The following RBFOX1 variants were observed in gnomAD, a reference collection of about 807,000 sequenced individuals.
RBFOX1 encodes RNA binding fox-1 homolog 1.
Under a neutral mutation model 57.7 loss-of-function variants are expected in RBFOX1, and 8 were observed. The ratio of observed to expected loss-of-function variants is 0.14; its 90% CI spans 0.08 to 0.25. RBFOX1 has a LOEUF of 0.25. RBFOX1 is among the 10% of genes least tolerant of loss of function. The probability of loss-of-function intolerance (pLI) is 1.00; values close to 1 mark genes in which losing one functional copy is unlikely to be tolerated. For missense variants in RBFOX1, 611 were observed against 548.5 expected (o/e 1.11, Z -1.14); for synonymous variants, 326 against 222.4 (o/e 1.47, Z -4.15).
intron 4 of RBFOX1, among the ~76,000 whole-genome samples, chr16:5,963,452 C>G (rs764188122): frequency 6.6e-6 from 1 of 152,152 alleles, no homozygotes; most frequent in Non-Finnish European, 1.5e-5. Flanking sequence ...GAATCTTGAG[C>G]AAGATTATTC....
At chr16:5,541,853 G>T (rs987497353) in intron 2 of RBFOX1, among the ~76,000 whole-genome samples, 2 of 152,100 alleles carry the variant, frequency 1.3e-5, no homozygotes, top group Admixed American at 6.6e-5. Context: ...GCTGTTCTAC[G>T]GAAAGCATTG....
chr16:7,034,491 C>T (rs937204157), intron 3 of RBFOX1, among the ~76,000 whole-genome samples: 1 of 152,038 alleles, frequency 6.6e-6, no homozygotes, highest in African/African-American at 2.4e-5. Context: ...AAGTGTATGA[C>T]CATCTATCTC....
chr16:6,003,250 G>A (rs999951647), intron 4 of RBFOX1, among the ~76,000 whole-genome samples: 32 of 147,704 alleles, frequency 2.2e-4, no homozygotes, highest in Non-Finnish European at 4.0e-4. Context: ...CTGCACTCCA[G>A]CCTGGGCGAC....
chr16:6,028,094 G>A (rs545987527), intron 1 of RBFOX1, among the ~76,000 whole-genome samples: 1 of 152,308 alleles, frequency 6.6e-6, no homozygotes, highest in South Asian at 2.1e-4. Flanking sequence ...CCAGCCCCCT[G>A]TCTTGATTCT....
chr16:6,282,561 A>T (rs532357966), intron 1 of RBFOX1, among the ~76,000 whole-genome samples: 4 of 151,548 alleles, frequency 2.6e-5, no homozygotes, highest in South Asian at 4.2e-4. Flanking sequence ...GACAGGCCCC[A>T]GTGTGTGATA....
chr16:6,071,900 A>T (rs1385258045), intron 1 of RBFOX1, among the ~76,000 whole-genome samples: 1 of 152,190 alleles, frequency 6.6e-6, no homozygotes, highest in African/African-American at 2.4e-5. Flanking sequence ...TAAATGTACA[A>T]ATGTCAGGAT....
chr16:6,986,625 T>C (rs766224848), intron 3 of RBFOX1, among the ~76,000 whole-genome samples: 1 of 152,198 alleles, frequency 6.6e-6, no homozygotes, highest in Non-Finnish European at 1.5e-5. Context: ...AAATATTTTT[T>C]ACTGCATTTG....
At chr16:5,870,552 T>C (rs2057445663) in intron 4 of RBFOX1, among the ~76,000 whole-genome samples, 2 of 152,132 alleles carry the variant, frequency 1.3e-5, no homozygotes, top group South Asian at 2.1e-4. Context: ...TGATCAAAAA[T>C]AGTCTTCCTT....
chr16:6,062,022 A>G (rs2095692960), intron 1 of RBFOX1, among the ~76,000 whole-genome samples: 1 of 152,160 alleles, frequency 6.6e-6, no homozygotes, highest in Non-Finnish European at 1.5e-5. Flanking sequence ...CGAGTGGCTT[A>G]TAGAACTCAG....
At chr16:6,746,982 T>C (rs2073822565) in intron 3 of RBFOX1, among the ~76,000 whole-genome samples, 1 of 152,166 alleles carries the variant, frequency 6.6e-6, no homozygotes, top group Admixed American at 6.5e-5. Flanking sequence ...TGTGGAGCTA[T>C]ACTACTGTGC....
chr16:6,665,173 C>T (rs992364842), intron 3 of RBFOX1, among the ~76,000 whole-genome samples: 4 of 152,312 alleles, frequency 2.6e-5, no homozygotes, highest in South Asian at 4.1e-4. Context: ...AGAAAAGGCG[C>T]TTCTTTTTCA....
intron 4 of RBFOX1, among the ~76,000 whole-genome samples, chr16:7,336,419 G>C (rs2096788995): frequency 6.6e-6 from 1 of 152,204 alleles, no homozygotes; most frequent in Non-Finnish European, 1.5e-5. Context: ...ATCCAGGTCT[G>C]ACAGATGATG....
intron 3 of RBFOX1, among the ~76,000 whole-genome samples, chr16:5,808,389 C>A (rs1380522825): frequency 6.6e-6 from 1 of 152,134 alleles, no homozygotes; most frequent in Non-Finnish European, 1.5e-5. Context: ...TTAGGATTGA[C>A]TTGGCGATGC....
At chr16:6,745,140 A>G (rs1051401470) in intron 3 of RBFOX1, among the ~76,000 whole-genome samples, 6 of 152,110 alleles carry the variant, frequency 3.9e-5, no homozygotes, top group Non-Finnish European at 5.9e-5. Flanking sequence ...GAAGAAATAG[A>G]TCATCTGAAT....
Position 7,677,132 on chromosome 16 carries a change from TAC to T in RBFOX1, c.995+321_995+322del, listed in dbSNP as rs59379802. Among the ~76,000 whole-genome samples the T allele has an allele frequency of 1.6e-3, 216 of 137,798 alleles. 3 individuals carry two copies. The highest frequency in any genetic ancestry group is 2.7e-3 in the East Asian group (13 of 4,756). 90.4% of individuals were successfully genotyped at this position (137,798 alleles called of 152,430 possible). On this transcript the variant is annotated intron_variant, in intron 14 of 15. Transcript: ENST00000550418. ...ACAACGCACCTTGCTCACATACACA[TAC>T]ACACACACACACACACACACACACA...
At chr16:6,491,850 G>A (rs572775061) in intron 2 of RBFOX1, among the ~76,000 whole-genome samples, 1 of 152,252 alleles carries the variant, frequency 6.6e-6, no homozygotes, top group African/African-American at 2.4e-5. Flanking sequence ...ATCAATCATT[G>A]TTCTAACATT....
chr16:6,899,090 A>AAT (rs2067773184), intron 3 of RBFOX1, among the ~76,000 whole-genome samples: 1 of 103,002 alleles, frequency 9.7e-6, no homozygotes, highest in African/African-American at 5.8e-5. Context: ...ACACGTGTAT[A>AAT]ATGTGTGTAC....
intron 1 of RBFOX1, among the ~76,000 whole-genome samples, chr16:5,284,782 T>TTTTTTTTTTTA: frequency 8.1e-6 from 1 of 124,174 alleles, no homozygotes; most frequent in African/African-American, 2.9e-5. Flanking sequence ...TTTTTTTTTT[T>TTTTTTTTTTTA]ACTTGTAGTA....
chr16:5,655,470 C>A (rs1402083210), intron 3 of RBFOX1, among the ~76,000 whole-genome samples: 2 of 152,202 alleles, frequency 1.3e-5, no homozygotes, highest in Non-Finnish European at 2.9e-5. Flanking sequence ...GTAGCAACAG[C>A]TGGCTGGAAG....
Sources: allele counts gnomAD v4.1 joint callset (sites outside exome capture counted in the v4.1 genomes callset), GRCh38; gene constraint gnomAD v4.1.1; transcripts MANE v1.5; gene names NCBI Gene and HGNC (gene_info 2026-07-23, HGNC 2026-07-21).